Variants in SOX6 observed in about 807,000 individuals in gnomAD.
SOX6 encodes transcription factor SOX-6.
A neutral mutation model predicts 97.8 loss-of-function variants in SOX6; 11 were observed. The observed-to-expected ratio is 0.11, with a 90% CI of 0.07 to 0.19. The LOEUF is 0.19. SOX6 is among the 10% of genes least tolerant of loss of function. The pLI is 1.00. For missense variants in SOX6, 810 were observed against 1,039.5 expected, an observed-to-expected ratio of 0.78 and a Z score of 3.04; for synonymous variants, 360 against 371.4, an observed-to-expected ratio of 0.97 and a Z score of 0.35.
intron 3 of SOX6, among the ~76,000 whole-genome samples, chr11:16,289,383 A>G (rs1036209555): frequency 6.6e-6 from 1 of 152,016 alleles, no homozygotes; most frequent in Non-Finnish European, 1.5e-5. Flanking sequence ...CTCTTTGAGC[A>G]TGACTACCTC....
chr11:16,222,750 T>C (rs2134159519), intron 4 of SOX6, among the ~76,000 whole-genome samples: 1 of 152,228 alleles, frequency 6.6e-6, no homozygotes, highest in Admixed American at 6.6e-5. Context: ...TTGCCTACTG[T>C]AGCATTTATT....
chr11:16,281,286 T>C (rs1854553730), intron 3 of SOX6, among the ~76,000 whole-genome samples: 1 of 152,080 alleles, frequency 6.6e-6, no homozygotes, highest in Non-Finnish European at 1.5e-5. Flanking sequence ...GTATGGTCAT[T>C]GCTACCCTGC....
intron 6 of SOX6, among the ~76,000 whole-genome samples, chr11:16,161,110 A>C (rs182031123): frequency 1.3e-5 from 2 of 152,206 alleles, no homozygotes; most frequent in Non-Finnish European, 2.9e-5. Context: ...CATGGTGTAA[A>C]TGGTTGATTT....
chr11:16,100,891 T>C (rs1265634335), intron 7 of SOX6, among the ~76,000 whole-genome samples: 1 of 151,484 alleles, frequency 6.6e-6, no homozygotes, highest in Non-Finnish European at 1.5e-5. Flanking sequence ...AGAAATAATT[T>C]AGAAAGTTTG....
chr11:16,213,389 GTA>G (rs1852281262), intron 4 of SOX6, among the ~76,000 whole-genome samples: 1 of 152,020 alleles, frequency 6.6e-6, no homozygotes, highest in African/African-American at 2.4e-5. Context: ...GTCTTTCCCT[GTA>G]TATGTTTTTG....
chr11:16,406,858 G>C (rs540317782), intron 1 of SOX6, among the ~76,000 whole-genome samples: 1 of 152,174 alleles, frequency 6.6e-6, no homozygotes. Context: ...TGTCTACATA[G>C]CCACTCAAAA....
chr11:16,331,553 G>A (rs1464638919), intron 2 of SOX6, among the ~76,000 whole-genome samples: 5 of 152,092 alleles, frequency 3.3e-5, no homozygotes, highest in African/African-American at 7.2e-5. Flanking sequence ...AAATTCATAT[G>A]GTGGGCTACC....
At chr11:16,102,698 G>C (rs1848979782) in intron 7 of SOX6, among the ~76,000 whole-genome samples, 1 of 151,932 alleles carries the variant, frequency 6.6e-6, no homozygotes, top group Non-Finnish European at 1.5e-5. Flanking sequence ...CAATAGAACA[G>C]AATAGAGAAC....
intron 4 of SOX6, among the ~76,000 whole-genome samples, chr11:16,548,664 C>T (rs1299155373): frequency 2.6e-5 from 4 of 151,920 alleles, no homozygotes; most frequent in African/African-American, 7.3e-5. Context: ...TTAAAATGAA[C>T]GGGCTGGGCA....
chr11:16,018,835 A>ACTC (rs1261843316), intron 12 of SOX6, among the ~76,000 whole-genome samples: 6 of 152,094 alleles, frequency 3.9e-5, no homozygotes, highest in Non-Finnish European at 7.4e-5. Flanking sequence ...TTTACTGATC[A>ACTC]CTCCATCAAA....
At chr11:16,224,297 T>C (rs1045619133) in intron 4 of SOX6, among the ~76,000 whole-genome samples, 1 of 152,114 alleles carries the variant, frequency 6.6e-6, no homozygotes, top group Non-Finnish European at 1.5e-5. Context: ...CAGTATTATA[T>C]TTATAATCAG....
intron 3 of SOX6, among the ~76,000 whole-genome samples, chr11:16,642,526 A>C (rs1414765526): frequency 2.0e-5 from 3 of 152,006 alleles, no homozygotes; most frequent in African/African-American, 7.3e-5. Context: ...ACTTGGTTCC[A>C]TTCTCCCCGT....
intron 12 of SOX6, among the ~76,000 whole-genome samples, chr11:16,032,748 T>C (rs1377411483): frequency 2.6e-5 from 4 of 151,972 alleles, no homozygotes; most frequent in East Asian, 1.9e-4. Context: ...TAACTCAGAG[T>C]ACACTTCTCT....
At chr11:16,531,807 T>A (rs979486584) in intron 4 of SOX6, among the ~76,000 whole-genome samples, 4 of 152,024 alleles carry the variant, frequency 2.6e-5, no homozygotes, top group Non-Finnish European at 4.4e-5. Context: ...TTTCTGAATA[T>A]ACAATAACAA....
At chr11:16,652,694 T>C (rs551406521) in intron 3 of SOX6, among the ~76,000 whole-genome samples, 1 of 152,294 alleles carries the variant, frequency 6.6e-6, no homozygotes, top group South Asian at 2.1e-4. Context: ...CTTCTAGACA[T>C]TGACTTATGC....
intron 1 of SOX6, among the ~76,000 whole-genome samples, chr11:16,433,763 G>A (rs554256915): frequency 2.6e-5 from 4 of 152,080 alleles, no homozygotes; most frequent in Non-Finnish European, 5.9e-5. Flanking sequence ...TAAGCAATAT[G>A]AGCAGGATGA....
upstream of SOX6, among the ~76,000 whole-genome samples, chr11:16,359,660 T>C (rs538875745): frequency 3.3e-5 from 5 of 152,242 alleles, no homozygotes; most frequent in Admixed American, 3.3e-4. Flanking sequence ...ATTTTAAGTC[T>C]CTACAAATGC....
intron 3 of SOX6, among the ~76,000 whole-genome samples, chr11:16,712,073 T>C (rs1232792443): frequency 7.4e-6 from 1 of 134,282 alleles, no homozygotes; most frequent in African/African-American, 2.9e-5. Flanking sequence ...CTGAGTAGTA[T>C]TCCATACACA....
intron 4 of SOX6, among the ~76,000 whole-genome samples, chr11:16,571,608 T>TTTTGTTTGTTTG (rs34319439): frequency 6.6e-6 from 1 of 151,784 alleles, no homozygotes; most frequent in African/African-American, 2.4e-5. Flanking sequence ...TACATTCAGT[T>TTTTGTTTGTTTG]TTTGTTTGTT....
Sources: allele counts gnomAD v4.1 joint callset (sites outside exome capture counted in the v4.1 genomes callset), GRCh38; gene constraint gnomAD v4.1.1; transcripts MANE v1.5; gene names NCBI Gene and HGNC (gene_info 2026-07-23, HGNC 2026-07-21).